Variants in SASH1 observed in about 807,000 individuals in gnomAD.
SASH1 encodes SAM and SH3 domain-containing protein 1.
Under a neutral mutation model 125.2 loss-of-function variants are expected in SASH1, and 44 were observed. The observed-to-expected ratio is 0.35, with a 90% CI of 0.28 to 0.45. The LOEUF is 0.45. SASH1 is among the 20% of genes least tolerant of loss of function. The pLI is 1.00. For missense variants in SASH1, 1,426 were observed against 1,614.5 expected, an observed-to-expected ratio of 0.88 and a Z score of 2.00; for synonymous variants, 639 against 649.1, an observed-to-expected ratio of 0.98 and a Z score of 0.24.
chr6:148,368,770 G>GCACACACACA (rs377455429), intron 1 of SASH1, among the ~76,000 whole-genome samples: 178 of 135,732 alleles, frequency 1.3e-3, no homozygotes, highest in Middle Eastern at 3.7e-3. Flanking sequence ...GCACGCGCGC[G>GCACACACACA]CACACACACA....
chr6:148,471,604 ACCGCATGTGC>A, intron 6 of SASH1, 101 bp downstream of exon 6: 1 of 724,284 alleles, frequency 1.4e-6, no homozygotes, highest in East Asian at 2.7e-5. Context: ...AGCGTAACTC[ACCGCATGTGC>A]CCATAAGATG....
chr6:148,335,906 C>T (rs183730854), intron 1 of SASH1, among the ~76,000 whole-genome samples: 1 of 152,128 alleles, frequency 6.6e-6, no homozygotes, highest in East Asian at 1.9e-4. Context: ...AAGGAAATTT[C>T]CTATTTATAG....
chr6:148,343,805 G>C (rs1046144005), intron 1 of SASH1, among the ~76,000 whole-genome samples: 5 of 152,186 alleles, frequency 3.3e-5, no homozygotes, highest in African/African-American at 1.2e-4. Context: ...AAGCGCCCCT[G>C]GATTTGGCAT....
At chr6:148,249,148 G>T in the SASH1 span, among the ~76,000 whole-genome samples, 1 of 152,132 alleles carries the variant, frequency 6.6e-6, no homozygotes, top group South Asian at 2.1e-4. Context: ...AAGGCTCACA[G>T]ATTAAAAAAA....
At chr6:148,421,193 G>GAAAGAAAGAA (rs1785077868) in intron 2 of SASH1, among the ~76,000 whole-genome samples, 2 of 142,544 alleles carry the variant, frequency 1.4e-5, no homozygotes, top group African/African-American at 2.6e-5. Context: ...AAGAAAGAAA[G>GAAAGAAAGAA]AAAGAAAGAA....
chr6:148,433,406 C>CTTTT (rs5880780), intron 2 of SASH1, among the ~76,000 whole-genome samples: 3 of 128,000 alleles, frequency 2.3e-5, no homozygotes, highest in Non-Finnish European at 3.2e-5. Context: ...TTTCTTTTTT[C>CTTTT]TTTTTTTTTT....
At position 148,532,337 on chromosome 6, in the gene SASH1, G is replaced by A. The variant is rs1178874422; in HGVS notation, c.1565-460G>A. Among the ~76,000 whole-genome samples, 2 of 152,102 alleles carry A rather than the reference G, an allele frequency of 1.3e-5. No individual in the cohort carries two copies. The highest frequency in any genetic ancestry group is 2.9e-5 in the Non-Finnish European group (2 of 68,022). On this transcript the variant is annotated intron_variant, in intron 13 of 19. Coordinates refer to ENST00000367467, the MANE Select transcript of SASH1 (RefSeq NM_015278.5). The surrounding 1 kb of genome is among the most constrained non-coding windows in gnomAD (Gnocchi z 4.7). ...CCCACCTCGGCCTCCTAAAGTGCTG[G>A]GATTATAGGCGTGAGCCACCGTGCC...
At position 148,544,231 on chromosome 6, in the gene SASH1, G is replaced by A. The variant is rs149125788; in HGVS notation, c.2761G>A (p.Gly921Ser). The A allele has an allele frequency of 2.3e-5, 37 of 1,613,924 alleles. No individual in the cohort carries two copies. Among genetic ancestry groups the A allele is most frequent in the South Asian group, 6.6e-5 (6 of 91,080 alleles). ...LEGSIAASGR[G>S]LSPPQCLPRN... ...GGGCTCAATCGCAGCCTCTGGTCGC[G>A]GCCTGTCACCCCCTCAGTGTTTGCC... The change falls in exon 18 of 20, where the codon GGC (glycine) becomes AGC (serine). Residue 921 changes from glycine to serine, a missense_variant. Gly to Ser is a moderately conservative substitution (Grantham distance 56). Around this residue, in one of 3 missense-constraint regions of SASH1, gnomAD observed 634 missense variants for 694.4 expected, o/e 0.91. Transcript: ENST00000367467. The surrounding 1 kb of genome is among the most constrained non-coding windows in gnomAD (Gnocchi z 6.4).
intron 16 of SASH1, among the ~76,000 whole-genome samples, chr6:148,538,664 A>G (rs1305033210): frequency 2.6e-5 from 4 of 152,182 alleles, no homozygotes; most frequent in Non-Finnish European, 4.4e-5. Flanking sequence ...CCCGTGAGAA[A>G]TGCAAGCAGG....
chr6:148,458,836 A>G (rs148515067), intron 4 of SASH1, among the ~76,000 whole-genome samples: 4 of 152,052 alleles, frequency 2.6e-5, no homozygotes, highest in African/African-American at 9.7e-5. Flanking sequence ...GCATGATGGC[A>G]TGCGACTCGA....
At chr6:148,524,119 A>ATT (rs1404681101) in intron 10 of SASH1, among the ~76,000 whole-genome samples, 24 of 125,154 alleles carry the variant, frequency 1.9e-4, no homozygotes, top group African/African-American at 3.8e-4. Flanking sequence ...ATATATATAT[A>ATT]TATTTTTTTT....
At chr6:148,279,480 T>C (rs1005826212) in intron 1 of SASH1, among the ~76,000 whole-genome samples, 1 of 152,168 alleles carries the variant, frequency 6.6e-6, no homozygotes, top group Non-Finnish European at 1.5e-5. Flanking sequence ...AGCTATCCCG[T>C]TAGGTTCTGG....
At chr6:148,534,958 C>G in intron 16 of SASH1, 57 bp downstream of exon 16, 1 of 1,563,132 alleles carries the variant, frequency 6.4e-7, no homozygotes, top group Non-Finnish European at 8.8e-7. Context: ...GCAGGCCCCA[C>G]GTATGCTGCC....
At chr6:148,377,193 A>AC (rs1782943961) in intron 1 of SASH1, among the ~76,000 whole-genome samples, 4 of 140,650 alleles carry the variant, frequency 2.8e-5, no homozygotes, top group Non-Finnish European at 6.1e-5. Flanking sequence ...ACAAAAAAAA[A>AC]ACAAAAAAAA....
At chr6:148,516,447 C>T (rs1279266219) in intron 9 of SASH1, among the ~76,000 whole-genome samples, 1 of 152,106 alleles carries the variant, frequency 6.6e-6, no homozygotes, top group Admixed American at 6.5e-5. Flanking sequence ...ATCTTGGCCC[C>T]TGTCCATCTT....
chr6:148,232,383 C>G, the SASH1 span, among the ~76,000 whole-genome samples: 1 of 152,164 alleles, frequency 6.6e-6, no homozygotes, highest in Non-Finnish European at 1.5e-5. Context: ...GGGCTCGGGC[C>G]TACTGGCTCA....
chr6:148,319,019 C>CTTTT (rs1780562391), intron 1 of SASH1, among the ~76,000 whole-genome samples: 2 of 80,508 alleles, frequency 2.5e-5, no homozygotes, highest in South Asian at 3.9e-4. Context: ...CCGCATTTAT[C>CTTTT]TTCTTTTTTT....
chr6:148,497,228 G>T lies in SASH1; in HGVS notation c.729+9513G>T, dbSNP rs148327151. Among the ~76,000 whole-genome samples the T allele has an allele frequency of 5.7e-3, 870 of 152,326 alleles. 2 individuals are homozygous for T. The highest frequency in any genetic ancestry group is 0.025 in the South Asian group (121 of 4,826). ...AGAGGTTTTGAGAAATGCCCGTTTTGTTCCGTCTGGTTATAAGCTGCCCAG... is the reference window on the plus strand; with the variant it reads ...AGAGGTTTTGAGAAATGCCCGTTTTTTTCCGTCTGGTTATAAGCTGCCCAG... On this transcript the variant is annotated intron_variant, in intron 8 of 19. Coordinates refer to ENST00000367467, the MANE Select transcript of SASH1 (RefSeq NM_015278.5).
intron 7 of SASH1, among the ~76,000 whole-genome samples, chr6:148,475,440 C>T (rs1778296109): frequency 6.6e-6 from 1 of 152,152 alleles, no homozygotes; most frequent in Admixed American, 6.6e-5. Context: ...ACATGATCTG[C>T]AGGGGAGGAA....
Sources: gnomAD v4.1 joint callset for allele counts (sites outside exome capture counted in the v4.1 genomes callset) on GRCh38, gnomAD v4.1.1 for gene constraint, gnomAD v4.1.1 regional missense constraint, Gnocchi (gnomAD v3.1) non-coding constraint, MANE v1.5 for transcripts, NCBI Gene and HGNC (gene_info 2026-07-23, HGNC 2026-07-21) for gene names.